Variants in SLC9A9 observed in about 807,000 individuals in gnomAD.
The protein encoded by SLC9A9 is sodium/hydrogen exchanger 9.
Under a neutral mutation model 77.8 loss-of-function variants are expected in SLC9A9, and 62 were observed. The ratio of observed to expected loss-of-function variants is 0.80; its 90% CI spans 0.65 to 0.98. The LOEUF (loss-of-function observed/expected upper bound fraction) is 0.98, where lower values mean the gene tolerates loss of function less well. Ranked by LOEUF, SLC9A9 falls within the 50% of genes least tolerant of loss-of-function variation. SLC9A9 has a pLI of 0.00. For missense variants in SLC9A9, 775 were observed against 774.9 expected (o/e 1.00, Z 0.00); for synonymous variants, 320 against 283.5 (o/e 1.13, Z -1.29).
intron 9 of SLC9A9, among the ~76,000 whole-genome samples, chr3:143,537,586 A>T (rs2036610929): frequency 6.6e-6 from 1 of 152,104 alleles, no homozygotes; most frequent in African/African-American, 2.4e-5. Flanking sequence ...ATTTCTCTTC[A>T]ATTAGCAGGA....
Position 143,701,918 on chromosome 3 carries a change from A to G in SLC9A9, c.534-8611T>C, listed in dbSNP as rs138953876. On this transcript the variant is annotated intron_variant, in intron 4 of 15. Coordinates refer to ENST00000316549, the MANE Select transcript of SLC9A9 (RefSeq NM_173653.4). The stretch of plus-strand genomic sequence containing the variant: ...AAGAAAGGACCCTAAAAGCAGCAAG[A>G]GAAAAGAAACAAATAACATACAATA... Among the ~76,000 whole-genome samples the G allele has an allele frequency of 5.4e-3, 822 of 152,306 alleles. 8 individuals are homozygous for G. The highest frequency in any genetic ancestry group is 0.019 in the African/African-American group (792 of 41,574).
chr3:143,509,560 T>A (rs552149273), intron 9 of SLC9A9, among the ~76,000 whole-genome samples: 1 of 152,320 alleles, frequency 6.6e-6, no homozygotes, highest in Non-Finnish European at 1.5e-5. Context: ...TGTATTTCTC[T>A]TTGTATCCAA....
intron 9 of SLC9A9, among the ~76,000 whole-genome samples, chr3:143,514,951 A>C (rs1370012803): frequency 6.6e-6 from 1 of 152,190 alleles, no homozygotes; most frequent in Non-Finnish European, 1.5e-5. Context: ...TGTGCAAGAG[A>C]CCTAGCTTTC....
rs756393239 is a variant in SLC9A9, at chr3:143,693,313, G to T, written c.534-6C>A. 6.2e-7 allele frequency: 1 copy of T among 1,606,552 alleles called. No individual in the cohort carries two copies. Among genetic ancestry groups the T allele is most frequent in the Non-Finnish European group, 8.5e-7 (1 of 1,173,498 alleles). On this transcript the variant is annotated splice_region_variant and splice_polypyrimidine_tract_variant and intron_variant, in intron 4 of 15. Transcript: ENST00000316549. ...CAAAACCATACATAATTAACCTGTT[G>T]AAGAGAAAAACATGACCTTCAAACA...
At chr3:143,839,388 C>T (rs1011636524) in intron 1 of SLC9A9, among the ~76,000 whole-genome samples, 1 of 152,120 alleles carries the variant, frequency 6.6e-6, no homozygotes, top group African/African-American at 2.4e-5. Context: ...TCCCTCTTCT[C>T]ACAGGATAGA....
intron 9 of SLC9A9, among the ~76,000 whole-genome samples, chr3:143,518,531 T>C (rs534916740): frequency 3.1e-3 from 467 of 152,384 alleles, no homozygotes; most frequent in Non-Finnish European, 5.6e-3. Context: ...CAGTAATTAC[T>C]GTCCTAAATT....
intron 4 of SLC9A9, among the ~76,000 whole-genome samples, chr3:143,699,776 G>A (rs1391289613): frequency 2.0e-5 from 3 of 152,146 alleles, no homozygotes; most frequent in Non-Finnish European, 2.9e-5. Context: ...ATTCCTAGGT[G>A]ATTCTGCAGC....
chr3:143,540,266 G>A (rs1369415340), intron 9 of SLC9A9, among the ~76,000 whole-genome samples: 1 of 152,166 alleles, frequency 6.6e-6, no homozygotes, highest in Non-Finnish European at 1.5e-5. Context: ...GATGAATCCT[G>A]AAGAAAGCAA....
intron 6 of SLC9A9, among the ~76,000 whole-genome samples, chr3:143,636,195 T>C (rs1185315989): frequency 6.6e-6 from 1 of 152,206 alleles, no homozygotes; most frequent in Non-Finnish European, 1.5e-5. Context: ...GTTAAAATTT[T>C]TCTTCTCAGA....
chr3:143,822,345 G>A (rs1286825311), intron 2 of SLC9A9, among the ~76,000 whole-genome samples: 1 of 152,192 alleles, frequency 6.6e-6, no homozygotes, highest in African/African-American at 2.4e-5. Context: ...TAGAAAGAAA[G>A]ATGAAGACCA....
At chr3:143,729,025 A>G (rs1268645605) in intron 4 of SLC9A9, among the ~76,000 whole-genome samples, 1 of 152,080 alleles carries the variant, frequency 6.6e-6, no homozygotes, top group East Asian at 1.9e-4. Context: ...CCTGCCTCAT[A>G]ATGAAAGTAA....
chr3:143,312,864 C>T (rs896353223), intron 14 of SLC9A9, among the ~76,000 whole-genome samples: 5 of 152,332 alleles, frequency 3.3e-5, no homozygotes, highest in Admixed American at 2.6e-4. Context: ...CCTCGCTTTA[C>T]GTCGCCAATG....
chr3:143,280,542 A>AT (rs58879877), intron 14 of SLC9A9, among the ~76,000 whole-genome samples: 1,878 of 118,058 alleles, frequency 0.016, 26 homozygotes, highest in Non-Finnish European at 0.022. Context: ...CTAGAACTAC[A>AT]TTTTTTTTTT....
chr3:143,401,031 C>T (rs990456962), intron 12 of SLC9A9, among the ~76,000 whole-genome samples: 1 of 152,178 alleles, frequency 6.6e-6, no homozygotes, highest in African/African-American at 2.4e-5. Context: ...TCTACATCTA[C>T]TCTACCCCCT....
chr3:143,522,979 T>C (rs1446750994), intron 9 of SLC9A9, among the ~76,000 whole-genome samples: 1 of 152,176 alleles, frequency 6.6e-6, no homozygotes, highest in Admixed American at 6.5e-5. Flanking sequence ...CTGATTCTCA[T>C]TAGGCCTTCG....
intron 12 of SLC9A9, among the ~76,000 whole-genome samples, chr3:143,407,889 A>G (rs952611081): frequency 7.2e-5 from 11 of 152,254 alleles, no homozygotes; most frequent in African/African-American, 2.7e-4. Flanking sequence ...CTACCGTAAC[A>G]AATTACCATA....
intron 2 of SLC9A9, among the ~76,000 whole-genome samples, chr3:143,814,205 A>C (rs1350250291): frequency 6.6e-6 from 1 of 152,182 alleles, no homozygotes; most frequent in Non-Finnish European, 1.5e-5. Flanking sequence ...AAGAGGGGTC[A>C]GAAAGGCTGA....
At position 143,596,323 on chromosome 3, in the gene SLC9A9, C is replaced by T. The variant is rs140196174; in HGVS notation, c.756-17600G>A. ...GTATGTGTGCGTGCACAAACACACA[C>T]ACACTCATACACAGAGAGATACACA... On this transcript the variant is annotated intron_variant, in intron 6 of 15. Coordinates refer to ENST00000316549, the MANE Select transcript of SLC9A9 (RefSeq NM_173653.4). 3.1e-3 allele frequency among the ~76,000 whole-genome samples: 477 copies of T among 152,324 alleles called. 2 individuals carry two copies. Among genetic ancestry groups the T allele is most frequent in the African/African-American group, 9.8e-3 (408 of 41,578 alleles).
At chr3:143,389,817 G>C (rs2033513964) in intron 12 of SLC9A9, among the ~76,000 whole-genome samples, 2 of 152,174 alleles carry the variant, frequency 1.3e-5, no homozygotes, top group Admixed American at 6.5e-5. Context: ...GAAGGGTGTG[G>C]CATGTCAAGT....
Sources: allele counts gnomAD v4.1 joint callset (sites outside exome capture counted in the v4.1 genomes callset), GRCh38; gene constraint gnomAD v4.1.1; transcripts MANE v1.5; gene names NCBI Gene and HGNC (gene_info 2026-07-23, HGNC 2026-07-21).